COMMD8: variants seen among roughly 807,000 people sequenced by gnomAD.
COMMD8 encodes COMM domain containing 8, also known as COMM domain-containing protein 8.
A neutral mutation model predicts 27.2 loss-of-function variants in COMMD8; 28 were observed. The ratio of observed to expected loss-of-function variants is 1.03; its 90% CI spans 0.76 to 1.41. COMMD8 has a LOEUF of 1.41. Among genes scored for constraint, COMMD8 ranks in the 40% most tolerant of loss-of-function variants. COMMD8 has a pLI of 0.00. For missense variants in COMMD8, 217 were observed against 211.2 expected (o/e 1.03, Z -0.17); for synonymous variants, 79 against 75.5 (o/e 1.05, Z -0.24).
rs995865218 is a variant in COMMD8 at position 47,463,688 on chromosome 4, G to C, written c.-37C>G. The C allele has an allele frequency of 5.2e-6, 8 of 1,526,932 alleles. No homozygotes were observed. In the East Asian group the frequency reaches 1.8e-4, roughly 34 times the overall value. 94.6% of individuals were successfully genotyped at this position (1,526,932 alleles called of 1,614,324 possible). A position where few individuals can be genotyped will look rare whatever the true frequency, so the allele number is the denominator to read the frequency against. ...GCTGGGGCTTGGGTCACGTGTCAAG[G>C]CTGGCCGCTTGTCTAAAGCTACGAC... is the stretch of plus-strand genomic sequence containing the variant. On this transcript the variant is annotated 5_prime_UTR_variant, in exon 1 of 5. Transcript: ENST00000381571.
chr4:47,456,303 T>C (rs1729887525), intron 3 of COMMD8, among the ~76,000 whole-genome samples: 1 of 141,570 alleles, frequency 7.1e-6, no homozygotes, highest in Admixed American at 7.1e-5. Flanking sequence ...TATATATATG[T>C]ATATGTTGAC....
intron 4 of COMMD8, 90 bp downstream of exon 4, chr4:47,452,969 C>G (rs1729790245): frequency 1.7e-6 from 2 of 1,183,448 alleles, no homozygotes. Context: ...GCCCCTCCAG[C>G]CTGGGTGACA....
chr4:47,456,616 A>C lies in COMMD8; in HGVS notation c.336T>G (p.Ile112Met). ...CAAAATCCTGTAGCTGTGCAGAGGA[A>C]ATAGCAACTATTTCTCTTGACAGAG... ...KQALSREIVA[I>M]SSAQLQDFDW... The change falls in exon 3 of 5, where the codon ATT becomes ATG. Residue 112 changes from isoleucine (I) to methionine (M), a missense_variant. Ile to Met is a conservative substitution (Grantham distance 10, BLOSUM62 1). Coordinates refer to ENST00000381571, the MANE Select transcript of COMMD8 (RefSeq NM_017845.5). 6.2e-7 allele frequency: 1 copy of C among 1,609,978 alleles called. No individual in the cohort carries two copies. Among genetic ancestry groups the C allele is most frequent in the Non-Finnish European group, 8.5e-7 (1 of 1,178,502 alleles).
chr4:47,454,538 A>C (rs1357428339), intron 3 of COMMD8, among the ~76,000 whole-genome samples: 1 of 152,166 alleles, frequency 6.6e-6, no homozygotes, highest in Admixed American at 6.5e-5. Context: ...TTATCACTGG[A>C]AACAGAATGT....
At chr4:47,460,832 G>C (rs927964729) in intron 1 of COMMD8, among the ~76,000 whole-genome samples, 1 of 152,090 alleles carries the variant, frequency 6.6e-6, no homozygotes, top group East Asian at 1.9e-4. Context: ...TGTATTCCCA[G>C]AAAGTCTCCA....
chr4:47,460,270 A>G lies in COMMD8; in HGVS notation c.96T>C (p.Cys32=), dbSNP rs1729991505. The G allele has an allele frequency of 5.6e-6, 9 of 1,611,748 alleles. No individual in the cohort carries two copies. The highest frequency in any genetic ancestry group is 6.8e-6 in the Non-Finnish European group (8 of 1,179,234). The part of the protein sequence containing the change: ...QLLHKIIDGI[C]GRAYPVYQDY... ...CTTGGTACACAGGATAAGCTCGACC[A>G]CAAATGCCATCAATTATTTTGTGAA... The change falls in exon 2 of 5, where the codon TGT becomes TGC. Residue 32 remains cysteine, a synonymous_variant. Transcript: ENST00000381571.
chr4:47,461,275 T>C (rs62300076), intron 1 of COMMD8, among the ~76,000 whole-genome samples: 19,534 of 152,268 alleles, frequency 0.13, 1,481 homozygotes, highest in Non-Finnish European at 0.18. Context: ...GTTATCTTTC[T>C]TGAAGTTATT....
Position 47,463,702 on chromosome 4 carries a change from T to A in COMMD8, c.-51A>T. The A allele has an allele frequency of 1.3e-6, 2 of 1,495,820 alleles. No homozygotes were observed. The highest frequency in any genetic ancestry group is 1.8e-6 in the Non-Finnish European group (2 of 1,111,228). 92.7% of individuals were successfully genotyped at this position (1,495,820 alleles called of 1,614,324 possible). On this transcript the variant is annotated 5_prime_UTR_variant, in exon 1 of 5. Transcript: ENST00000381571. The stretch of plus-strand genomic sequence containing the variant: ...CACGTGTCAAGGCTGGCCGCTTGTC[T>A]AAAGCTACGACTCGCCCACGTGACT...
intron 2 of COMMD8, 30 bp downstream of exon 2, chr4:47,460,114 G>A: frequency 6.3e-7 from 1 of 1,587,834 alleles, no homozygotes; most frequent in Non-Finnish European, 8.6e-7. Context: ...ATTATTTATT[G>A]TAAGTTATAG....
In COMMD8 at chr4:47,450,864, C is replaced by G. The variant is rs1020437417; in HGVS notation, c.*781G>C. On this transcript the variant is annotated 3_prime_UTR_variant, in exon 5 of 5. Transcript: ENST00000381571. ...TTTGTTTTTCCAATGAATTTAACAT[C>G]CCAAAGTATTCAATATTGAGTTTAT... is the stretch of plus-strand genomic sequence containing the variant. 1 of 152,110 alleles carries G rather than the reference C, an allele frequency of 6.6e-6. No homozygotes were observed. The highest frequency in any genetic ancestry group is 2.4e-5 in the African/African-American group (1 of 41,430). The allele number at this position is 152,110 out of a possible 1,614,324, so 9.4% of individuals were successfully genotyped here.
chr4:47,456,402 A>ATC (rs1046873159), intron 3 of COMMD8, among the ~76,000 whole-genome samples, 175 bp downstream of exon 3: 2 of 150,226 alleles, frequency 1.3e-5, no homozygotes, highest in African/African-American at 4.9e-5. Flanking sequence ...CATGGCTTAG[A>ATC]TGTTTGTAGT....
intron 2 of COMMD8, among the ~76,000 whole-genome samples, chr4:47,457,349 A>C (rs28657923): frequency 0.043 from 6,554 of 152,266 alleles, 457 homozygotes; most frequent in African/African-American, 0.15. Context: ...TATATAAAGC[A>C]GCAAAATTTG....
At chr4:47,453,757 T>TA (rs1470543776) in intron 3 of COMMD8, among the ~76,000 whole-genome samples, 2 of 152,192 alleles carry the variant, frequency 1.3e-5, no homozygotes, top group Admixed American at 1.3e-4. Context: ...GAATATATCC[T>TA]AGGGGAATTG....
chr4:47,460,174 G>A lies in COMMD8; in HGVS notation c.192C>T (p.Ala64=). Residue 64 remains alanine (A), a synonymous_variant, in exon 2 of 5, where the codon GCC becomes GCT. Coordinates refer to ENST00000381571, the MANE Select transcript of COMMD8 (RefSeq NM_017845.5). The part of the protein sequence containing the change: ...VLEDIAKFFK[A]IVGKNLPDEE... ...CATCAGGTAAGTTTTTACCAACTAT[G>A]GCTTTGAAAAATTTGGCAATATCTT... The A allele has an allele frequency of 6.2e-7, 1 of 1,613,516 alleles. No individual in the cohort carries two copies. Among genetic ancestry groups the A allele is most frequent in the Non-Finnish European group, 8.5e-7 (1 of 1,179,716 alleles).
chr4:47,459,883 G>GT (rs1362016314), intron 2 of COMMD8: 7 of 296,294 alleles, frequency 2.4e-5, no homozygotes, highest in Admixed American at 1.0e-4. Context: ...GTTAACACCT[G>GT]TTTAACTGGT....
At chr4:47,457,440 G>GA (rs960545513) in intron 2 of COMMD8, among the ~76,000 whole-genome samples, 11 of 150,794 alleles carry the variant, frequency 7.3e-5, no homozygotes, top group Admixed American at 2.6e-4. Flanking sequence ...ACAAAGAAAC[G>GA]AAAAAAAATC....
chr4:47,462,544 C>T (rs1006733120), intron 1 of COMMD8, among the ~76,000 whole-genome samples: 1 of 152,108 alleles, frequency 6.6e-6, no homozygotes, highest in African/African-American at 2.4e-5. Context: ...TTGTTTTTTA[C>T]CTGGCATTCT....
intron 3 of COMMD8, among the ~76,000 whole-genome samples, chr4:47,455,333 T>C (rs1321033209): frequency 6.6e-6 from 1 of 152,088 alleles, no homozygotes; most frequent in African/African-American, 2.4e-5. Context: ...TCTTTTATAT[T>C]TATAAAAATA....
intron 3 of COMMD8, among the ~76,000 whole-genome samples, chr4:47,454,139 A>T (rs1050562007): frequency 1.3e-5 from 2 of 152,228 alleles, no homozygotes; most frequent in African/African-American, 4.8e-5. Context: ...TTTTCACCCT[A>T]TGCTTGAATA....
Sources: allele counts gnomAD v4.1 joint callset (sites outside exome capture counted in the v4.1 genomes callset), GRCh38; gene constraint gnomAD v4.1.1; transcripts MANE v1.5; gene names NCBI Gene and HGNC (gene_info 2026-07-23, HGNC 2026-07-21).